Variants in TRAK2 observed in about 807,000 individuals in gnomAD.
TRAK2 encodes the protein trafficking kinesin protein 2.
A neutral mutation model predicts 104.6 loss-of-function variants in TRAK2; 81 were observed. That is an observed-to-expected ratio of 0.77 (90% CI 0.65 to 0.93). The LOEUF (loss-of-function observed/expected upper bound fraction) is 0.93, where lower values mean the gene tolerates loss of function less well. Among genes scored for constraint, TRAK2 ranks in the 40% least tolerant of loss-of-function variants. The probability of loss-of-function intolerance (pLI) is 0.00; values close to 1 mark genes in which losing one functional copy is unlikely to be tolerated. For synonymous variants in TRAK2, 406 were observed against 394.4 expected (o/e 1.03, Z -0.35); for missense variants, 1,002 against 1,089.0 (o/e 0.92, Z 1.12).
At position 201,392,361 on chromosome 2, in the gene TRAK2, G is replaced by A. The variant is rs181126809; in HGVS notation, c.1113+548C>T. On this transcript the variant is annotated intron_variant, in intron 10 of 15. Coordinates refer to ENST00000332624, the MANE Select transcript of TRAK2 (RefSeq NM_015049.3). ...TTAAAAAAGTTCACAGGATTGCACA[G>A]AAGTTTAAGAATCAGATTGTTAAAA... is the stretch of plus-strand genomic sequence containing the variant. 4.3e-3 allele frequency among the ~76,000 whole-genome samples: 647 copies of A among 152,190 alleles called. 19 individuals carry two copies. The highest frequency in any genetic ancestry group is 0.041 in the Admixed American group (620 of 15,278).
chr2:201,431,314 C>G (rs1339000163), intron 1 of TRAK2, among the ~76,000 whole-genome samples: 4 of 152,178 alleles, frequency 2.6e-5, no homozygotes, highest in Admixed American at 2.6e-4. Context: ...TAAAACAACA[C>G]CAATTTATGA....
At chr2:201,398,746 G>A (rs1406375761) in intron 5 of TRAK2, among the ~76,000 whole-genome samples, 1 of 151,888 alleles carries the variant, frequency 6.6e-6, no homozygotes, top group African/African-American at 2.4e-5. Flanking sequence ...TTATCATAAG[G>A]GCTTGTAATT....
intron 2 of TRAK2, chr2:201,411,783 T>G: frequency 1.3e-6 from 1 of 798,348 alleles, no homozygotes; most frequent in East Asian, 2.4e-5. Context: ...TTCCAAAATC[T>G]TTCCTAAGCA....
intron 9 of TRAK2, 70 bp from the exon 10 acceptor site, chr2:201,393,116 C>G: frequency 6.7e-7 from 1 of 1,489,054 alleles, no homozygotes. Context: ...AACCCGAAAC[C>G]TTTTGGGATA....
chr2:201,442,724 C>T (rs1951935608), intron 1 of TRAK2, among the ~76,000 whole-genome samples: 1 of 152,162 alleles, frequency 6.6e-6, no homozygotes, highest in African/African-American at 2.4e-5. Flanking sequence ...TCATTCCTCC[C>T]ACTGATAAAT....
chr2:201,407,663 T>C (rs764146199), intron 2 of TRAK2, 66 bp from the exon 3 acceptor site: 41 of 1,413,752 alleles, frequency 2.9e-5, no homozygotes, highest in East Asian at 7.1e-5. Context: ...ACAGAGAAAA[T>C]TGATGAAAAT....
Position 201,379,957 on chromosome 2 carries a change from G to A in TRAK2, c.*586C>T, listed in dbSNP as rs531696744. On this transcript the variant is annotated 3_prime_UTR_variant, in exon 16 of 16. Coordinates refer to ENST00000332624, the MANE Select transcript of TRAK2 (RefSeq NM_015049.3). ...GAAAGGAAAATAGGAGTCTCCACCT[G>A]TGATTCAATGAAAAAGATGAAACTC... 88 of 152,986 alleles carry A rather than the reference G, an allele frequency of 5.8e-4. No individual in the cohort carries two copies. The highest frequency in any genetic ancestry group is 2.0e-3 in the African/African-American group (85 of 41,526). The allele number at this position is 152,986 out of a possible 1,614,324, so 9.5% of individuals were successfully genotyped here. A position where few individuals can be genotyped will look rare whatever the true frequency, so the allele number is the denominator to read the frequency against.
chr2:201,411,210 G>C (rs1187408638), intron 2 of TRAK2: 1 of 718,610 alleles, frequency 1.4e-6, no homozygotes, highest in Non-Finnish European at 2.5e-6. Context: ...AGCAATAGGT[G>C]TGTACACTTG....
At chr2:201,405,683 T>C (rs1225088871) in intron 3 of TRAK2, among the ~76,000 whole-genome samples, 1 of 152,180 alleles carries the variant, frequency 6.6e-6, no homozygotes, top group Non-Finnish European at 1.5e-5. Context: ...AATTTCAGTT[T>C]GAAAGTTCTC....
intron 1 of TRAK2, among the ~76,000 whole-genome samples, chr2:201,421,776 T>C (rs1384204184): frequency 6.6e-6 from 1 of 152,102 alleles, no homozygotes; most frequent in Non-Finnish European, 1.5e-5. Flanking sequence ...GGGCTGGGCA[T>C]GGTGACTCAC....
Position 201,398,137 on chromosome 2 carries a change from G to A in TRAK2, c.690+8C>T. 6.2e-7 allele frequency: 1 copy of A among 1,612,618 alleles called. No individual in the cohort carries two copies. Among genetic ancestry groups the A allele is most frequent in the Non-Finnish European group, 8.5e-7 (1 of 1,178,836 alleles). The stretch of plus-strand genomic sequence containing the variant: ...AGTAAAGGAAAATGGCAATTAGGTT[G>A]AACGTACCTTGGATCGAAGAGCCAT... On this transcript the variant is annotated splice_region_variant and intron_variant, in intron 6 of 15. Transcript: ENST00000332624.
intron 2 of TRAK2, among the ~76,000 whole-genome samples, chr2:201,414,348 T>C (rs1003497279): frequency 6.6e-6 from 1 of 152,226 alleles, no homozygotes; most frequent in Non-Finnish European, 1.5e-5. Flanking sequence ...GTACAGGATG[T>C]CATATCAACC....
rs1478739003 is a variant in TRAK2, at chr2:201,380,311, CT to C, written c.*231del. 8 of 556,330 alleles carry C rather than the reference CT, an allele frequency of 1.4e-5. No homozygotes were observed. Among genetic ancestry groups the C allele is most frequent in the Non-Finnish European group, 1.9e-5 (6 of 312,994 alleles). 34.5% of individuals were successfully genotyped at this position (556,330 alleles called of 1,614,324 possible). A position where few individuals can be genotyped will look rare whatever the true frequency, so the allele number is the denominator to read the frequency against. ...ACTCAACTGAAGGAGTATATTAAAC[CT>C]TTCTTTTCTCCCTCTGAACACTCAT... On this transcript the variant is annotated 3_prime_UTR_variant, in exon 16 of 16. Transcript: ENST00000332624.
intron 10 of TRAK2, among the ~76,000 whole-genome samples, chr2:201,390,599 A>G (rs1951438401): frequency 6.6e-6 from 1 of 150,976 alleles, no homozygotes; most frequent in Non-Finnish European, 1.5e-5. Context: ...CAAAAATACC[A>G]ACAAAAAACA....
Position 201,398,264 on chromosome 2 carries a change from A to G in TRAK2, c.571T>C (p.Cys191Arg). The change falls in exon 6 of 16, where the codon TGT becomes CGT. Residue 191 changes from cysteine to arginine, a missense_variant. Transcript: ENST00000332624. Reference sequence around the variant, plus strand: ...TCATTGAACCGAAGAGGTGTAGAACAGCTGGAATCAGTTTCACTTTCTTCA... The same window carrying G: ...TCATTGAACCGAAGAGGTGTAGAACGGCTGGAATCAGTTTCACTTTCTTCA... ...ASEESETDSS[C>R]STPLRFNESF... 6.2e-7 allele frequency: 1 copy of G among 1,613,726 alleles called. No homozygotes were observed. The highest frequency in any genetic ancestry group is 8.5e-7 in the Non-Finnish European group (1 of 1,179,736).
intron 1 of TRAK2, among the ~76,000 whole-genome samples, chr2:201,421,377 TGAA>T (rs1186619423): frequency 2.6e-5 from 4 of 152,148 alleles, no homozygotes; most frequent in African/African-American, 9.7e-5. Context: ...AATAAACCAA[TGAA>T]GAAGACGAAA....
intron 1 of TRAK2, among the ~76,000 whole-genome samples, chr2:201,438,955 T>C (rs2125661788): frequency 6.6e-6 from 1 of 152,332 alleles, no homozygotes; most frequent in South Asian, 2.1e-4. Flanking sequence ...AATACAGATG[T>C]ATTACCATAA....
intron 2 of TRAK2, among the ~76,000 whole-genome samples, chr2:201,414,621 C>T (rs953494377): frequency 2.6e-5 from 4 of 152,108 alleles, no homozygotes; most frequent in African/African-American, 9.7e-5. Flanking sequence ...AGATTTAAAA[C>T]CTTAAATATG....
intron 3 of TRAK2, among the ~76,000 whole-genome samples, chr2:201,403,760 AC>A (rs1195414110): frequency 1.3e-5 from 2 of 151,420 alleles, no homozygotes; most frequent in African/African-American, 4.9e-5. Context: ...AAAAAAAAAA[AC>A]CCACAAAAAC....
Sources: allele counts gnomAD v4.1 joint callset (sites outside exome capture counted in the v4.1 genomes callset), GRCh38; gene constraint gnomAD v4.1.1; transcripts MANE v1.5; gene names NCBI Gene and HGNC (gene_info 2026-07-23, HGNC 2026-07-21).